MARCHF10: variants seen among roughly 807,000 people sequenced by gnomAD.
MARCHF10 encodes the protein membrane associated ring-CH-type finger 10, also known as probable E3 ubiquitin-protein ligase MARCHF10.
In MARCHF10, 64 loss-of-function variants were observed where a neutral mutation model predicts 76.2. That is an observed-to-expected ratio of 0.84 (90% CI 0.69 to 1.03). The LOEUF (loss-of-function observed/expected upper bound fraction) is 1.03, where lower values mean the gene tolerates loss of function less well. Among genes scored for constraint, MARCHF10 ranks in the 50% least tolerant of loss-of-function variants. The pLI is 0.00. For missense variants in MARCHF10, 875 were observed against 958.0 expected, an observed-to-expected ratio of 0.91 and a Z score of 1.14; for synonymous variants, 340 against 357.5, an observed-to-expected ratio of 0.95 and a Z score of 0.55.
At chr17:62,765,560 A>G (rs1467408655) in intron 3 of MARCHF10, among the ~76,000 whole-genome samples, 2 of 152,114 alleles carry the variant, frequency 1.3e-5, no homozygotes, top group Non-Finnish European at 2.9e-5. Context: ...TTAAGTCTTC[A>G]TAACATTCCA....
intron 1 of MARCHF10, among the ~76,000 whole-genome samples, chr17:62,804,733 T>C (rs2093135793): frequency 6.6e-6 from 1 of 152,154 alleles, no homozygotes; most frequent in Non-Finnish European, 1.5e-5. Context: ...CGACCCCTCA[T>C]CTATGGGGTC....
Position 62,725,043 on chromosome 17 carries a change from C to A in MARCHF10, c.1999G>T (p.Gly667Cys). 6.2e-7 allele frequency: 1 copy of A among 1,608,658 alleles called. No individual in the cohort carries two copies. Among genetic ancestry groups the A allele is most frequent in the Non-Finnish European group, 8.5e-7 (1 of 1,178,070 alleles). The change falls in exon 7 of 11, where the codon GGT becomes TGT. Residue 667 changes from glycine (G) to cysteine (C), a missense_variant. Transcript: ENST00000311269. The part of the protein sequence containing the change: ...DLCRICQIAG[G>C]SPSNPLLEPC... ...TCCAGGAGGGGGTTGCTTGGGGAAC[C>A]CCCGGCTATCTGACAGATGCGACAC...
intron 1 of MARCHF10, among the ~76,000 whole-genome samples, chr17:62,807,439 T>C (rs1275013160): frequency 6.6e-6 from 1 of 151,944 alleles, no homozygotes; most frequent in Non-Finnish European, 1.5e-5. Context: ...CTAGGAGAGA[T>C]AGGTGGTCAC....
At chr17:62,715,027 G>GT (rs1386382118) in intron 8 of MARCHF10, among the ~76,000 whole-genome samples, 1 of 152,186 alleles carries the variant, frequency 6.6e-6, no homozygotes, top group African/African-American at 2.4e-5. Context: ...GATTACAGGC[G>GT]TGAGTCACCG....
intron 3 of MARCHF10, among the ~76,000 whole-genome samples, chr17:62,779,829 GCT>G (rs2092623935): frequency 1.3e-5 from 2 of 152,328 alleles, no homozygotes; most frequent in Non-Finnish European, 2.9e-5. Context: ...GAGTGCAGTG[GCT>G]CACACCCGTA....
In MARCHF10 at chr17:62,712,034, T is replaced by G. The variant is rs991564590; in HGVS notation, c.2215-690A>C. ...TGATGGTCTGGCTGCCCATGGCACT[T>G]CTCTGTCCTTAGCACTTGGGCTTTG... On this transcript the variant is annotated intron_variant, in intron 8 of 10. Transcript: ENST00000311269. The surrounding 1 kb of genome is among the most constrained non-coding windows in gnomAD (Gnocchi z 4.2). Among the ~76,000 whole-genome samples the G allele has an allele frequency of 6.6e-6, 1 of 152,226 alleles. No homozygotes were observed. The highest frequency in any genetic ancestry group is 1.5e-5 in the Non-Finnish European group (1 of 68,036).
intron 8 of MARCHF10, among the ~76,000 whole-genome samples, chr17:62,718,377 A>G (rs2090324849): frequency 6.6e-6 from 1 of 152,242 alleles, no homozygotes; most frequent in African/African-American, 2.4e-5. Context: ...GGTCAGTTCT[A>G]TAAATGCCAT....
chr17:62,775,555 G>A (rs1269260271), intron 3 of MARCHF10, among the ~76,000 whole-genome samples: 6 of 151,146 alleles, frequency 4.0e-5, no homozygotes, highest in Non-Finnish European at 7.4e-5. Context: ...TACCCAACAC[G>A]GTGTCTTGTA....
intron 3 of MARCHF10, 79 bp downstream of exon 3, chr17:62,788,401 T>A: frequency 6.4e-7 from 1 of 1,561,962 alleles, no homozygotes; most frequent in Non-Finnish European, 8.7e-7. Context: ...GGCTTTTTCC[T>A]ACATCACACA....
chr17:62,786,467 C>T (rs2092748967), intron 3 of MARCHF10, among the ~76,000 whole-genome samples: 1 of 152,082 alleles, frequency 6.6e-6, no homozygotes, highest in Admixed American at 6.6e-5. Flanking sequence ...ACCAACGTGG[C>T]ACAAGTATAT....
intron 6 of MARCHF10, among the ~76,000 whole-genome samples, chr17:62,725,507 C>A (rs1037360910): frequency 1.3e-5 from 2 of 152,200 alleles, no homozygotes; most frequent in Non-Finnish European, 2.9e-5. Context: ...TGAAGCGATC[C>A]ACATGCCTTG....
At chr17:62,746,945 T>C (rs2091726698) in intron 4 of MARCHF10, 2 of 1,536,042 alleles carry the variant, frequency 1.3e-6, no homozygotes, top group Admixed American at 3.9e-5. Flanking sequence ...GAGGTCTGTT[T>C]CCGGTTTATT....
chr17:62,798,233 T>G (rs1404252708), intron 2 of MARCHF10, among the ~76,000 whole-genome samples: 2 of 151,762 alleles, frequency 1.3e-5, no homozygotes, highest in Non-Finnish European at 2.9e-5. Context: ...CTAGGGAAAT[T>G]AACATTTGAG....
intron 2 of MARCHF10, among the ~76,000 whole-genome samples, chr17:62,798,629 G>A (rs2093024723): frequency 6.6e-6 from 1 of 152,110 alleles, no homozygotes; most frequent in South Asian, 2.1e-4. Flanking sequence ...GCAGGCCAGG[G>A]AATCCATGGG....
intron 2 of MARCHF10, among the ~76,000 whole-genome samples, chr17:62,794,081 C>CCTCCAT (rs1370452002): frequency 4.1e-4 from 62 of 151,238 alleles, no homozygotes; most frequent in African/African-American, 1.5e-3. Flanking sequence ...ACCACCACCA[C>CCTCCAT]CACAACCATC....
At chr17:62,790,698 CTT>C (rs2092827673) in intron 2 of MARCHF10, among the ~76,000 whole-genome samples, 1 of 152,234 alleles carries the variant, frequency 6.6e-6, no homozygotes, top group Non-Finnish European at 1.5e-5. Context: ...AAAGCATCTC[CTT>C]CCGTGATGCA....
intron 6 of MARCHF10, among the ~76,000 whole-genome samples, chr17:62,729,435 G>A (rs143148002): frequency 6.9e-6 from 1 of 145,526 alleles, no homozygotes; most frequent in Non-Finnish European, 1.5e-5. Context: ...TTGAAAAGAG[G>A]GTAACAAAGA....
At position 62,798,755 on chromosome 17, in the gene MARCHF10, C is replaced by G. The variant is rs1262999435; in HGVS notation, c.90+2891G>C. ...CACGATGTCTACAGAAAGCTTTGCT[C>G]TTTTGTTCTTAAGATGGGAGAGACT... is the stretch of plus-strand genomic sequence containing the variant. On this transcript the variant is annotated intron_variant, in intron 2 of 10. Coordinates refer to ENST00000311269, the MANE Select transcript of MARCHF10 (RefSeq NM_152598.4). Among the ~76,000 whole-genome samples the G allele has an allele frequency of 2.0e-5, 3 of 152,182 alleles. No individual in the cohort carries two copies. In the East Asian group the frequency reaches 5.8e-4, roughly 29 times the overall value.
chr17:62,742,421 T>C (rs1049010654), intron 5 of MARCHF10, among the ~76,000 whole-genome samples: 1 of 152,244 alleles, frequency 6.6e-6, no homozygotes, highest in Non-Finnish European at 1.5e-5. Context: ...CTTTCACTGA[T>C]ACAATTCAAA....
Sources: gnomAD v4.1 joint callset for allele counts (sites outside exome capture counted in the v4.1 genomes callset) on GRCh38, gnomAD v4.1.1 for gene constraint, Gnocchi (gnomAD v3.1) non-coding constraint, MANE v1.5 for transcripts, NCBI Gene and HGNC (gene_info 2026-07-23, HGNC 2026-07-21) for gene names.